Variants in MTX2 observed in about 807,000 individuals in gnomAD.
MTX2 encodes the protein metaxin 2, also known as metaxin-2.
MTX2 carries 35 observed loss-of-function variants against 42.3 expected under a neutral mutation model. That is an observed-to-expected ratio of 0.83 (90% confidence interval 0.63 to 1.10). MTX2 has a LOEUF of 1.10. Among genes scored for constraint, MTX2 ranks in the 50% least tolerant of loss-of-function variants. The pLI is 0.00. For synonymous variants in MTX2, 119 were observed against 100.9 expected, an observed-to-expected ratio of 1.18 and a Z score of -1.08; for missense variants, 307 against 304.1, an observed-to-expected ratio of 1.01 and a Z score of -0.07.
intron 3 of MTX2, among the ~76,000 whole-genome samples, chr2:176,310,409 G>A (rs1019452594): frequency 3.3e-5 from 5 of 152,102 alleles, no homozygotes; most frequent in African/African-American, 1.2e-4. Context: ...GTATCTTTGT[G>A]GTGTTCTCTG....
chr2:176,293,053 G>T (rs1214964070), intron 1 of MTX2, among the ~76,000 whole-genome samples: 1 of 152,012 alleles, frequency 6.6e-6, no homozygotes, highest in East Asian at 1.9e-4. Flanking sequence ...CTCTAAATAC[G>T]AGTTTAATTT....
chr2:176,307,158 A>G (rs1023559409), intron 3 of MTX2, among the ~76,000 whole-genome samples: 2 of 152,220 alleles, frequency 1.3e-5, no homozygotes, highest in African/African-American at 4.8e-5. Flanking sequence ...CATTTATTAA[A>G]TAGGGAATCC....
intron 3 of MTX2, among the ~76,000 whole-genome samples, chr2:176,309,602 A>T (rs866413946): frequency 6.6e-6 from 1 of 151,728 alleles, no homozygotes; most frequent in South Asian, 2.1e-4. Flanking sequence ...TATATTTAGG[A>T]TAGTTAGCTC....
chr2:176,300,817 T>C (rs1274295665), intron 3 of MTX2, among the ~76,000 whole-genome samples: 1 of 152,238 alleles, frequency 6.6e-6, no homozygotes, highest in East Asian at 1.9e-4. Context: ...TATGTTAACA[T>C]ATTGAATGTG....
At chr2:176,335,217 AT>A (rs2105450433) in intron 9 of MTX2, among the ~76,000 whole-genome samples, 1 of 152,148 alleles carries the variant, frequency 6.6e-6, no homozygotes, top group East Asian at 1.9e-4. Flanking sequence ...GAGGAAGAGT[AT>A]TTTAGGCAGC....
intron 1 of MTX2, among the ~76,000 whole-genome samples, chr2:176,285,342 A>C (rs1185497249): frequency 3.9e-5 from 6 of 152,036 alleles, no homozygotes. Flanking sequence ...CTTGAGATAT[A>C]ATTTACAAAC....
At chr2:176,299,131 C>T (rs1188467215) in intron 3 of MTX2, among the ~76,000 whole-genome samples, 1 of 152,086 alleles carries the variant, frequency 6.6e-6, no homozygotes, top group African/African-American at 2.4e-5. Context: ...TGACATTTGA[C>T]AATATTTAAG....
At chr2:176,281,569 C>T (rs1273844372) in intron 1 of MTX2, among the ~76,000 whole-genome samples, 1 of 152,130 alleles carries the variant, frequency 6.6e-6, no homozygotes, top group Non-Finnish European at 1.5e-5. Context: ...TGTCCTGCAG[C>T]ATCACTTCCA....
chr2:176,276,374 T>C (rs1324157208), intron 1 of MTX2, among the ~76,000 whole-genome samples: 1 of 152,194 alleles, frequency 6.6e-6, no homozygotes, highest in Admixed American at 6.5e-5. Flanking sequence ...GAGTAAGCTT[T>C]TGAGCTACTG....
intron 4 of MTX2, among the ~76,000 whole-genome samples, chr2:176,325,582 C>T (rs189832700): frequency 5.3e-5 from 8 of 151,662 alleles, no homozygotes; most frequent in African/African-American, 1.9e-4. Context: ...TCATTAAAAA[C>T]AAGGAATATG....
intron 1 of MTX2, among the ~76,000 whole-genome samples, chr2:176,283,923 C>T (rs1223380205): frequency 1.3e-5 from 2 of 151,342 alleles, no homozygotes; most frequent in Non-Finnish European, 2.9e-5. Flanking sequence ...ATCTCATATT[C>T]ATTTTTAGTT....
intron 3 of MTX2, among the ~76,000 whole-genome samples, chr2:176,305,386 A>T (rs1282434558): frequency 6.6e-6 from 1 of 152,010 alleles, no homozygotes; most frequent in Non-Finnish European, 1.5e-5. Flanking sequence ...TTTCTCCCCA[A>T]CTGTTCATTG....
chr2:176,276,594 A>G (rs1376478009), intron 1 of MTX2, among the ~76,000 whole-genome samples: 1 of 152,046 alleles, frequency 6.6e-6, no homozygotes, highest in African/African-American at 2.4e-5. Flanking sequence ...TTTATAATGT[A>G]TGTCAAGTAT....
chr2:176,313,639 C>T (rs1246290694), intron 3 of MTX2, among the ~76,000 whole-genome samples: 3 of 152,070 alleles, frequency 2.0e-5, no homozygotes, highest in South Asian at 2.1e-4. Context: ...ATAATCCACC[C>T]GCCTTGACCT....
At chr2:176,319,135 A>C (rs1338457245) in intron 3 of MTX2, among the ~76,000 whole-genome samples, 1 of 152,190 alleles carries the variant, frequency 6.6e-6, no homozygotes, top group Non-Finnish European at 1.5e-5. Flanking sequence ...GAGTTGTTCC[A>C]AGTTCATTAT....
intron 1 of MTX2, among the ~76,000 whole-genome samples, chr2:176,277,512 C>T (rs903522508): frequency 6.6e-6 from 1 of 152,166 alleles, no homozygotes; most frequent in Non-Finnish European, 1.5e-5. Flanking sequence ...AAGTGATTCT[C>T]CTGCCTCAGA....
intron 5 of MTX2, among the ~76,000 whole-genome samples, chr2:176,327,311 C>G (rs1212305022): frequency 2.6e-5 from 4 of 151,008 alleles, no homozygotes; most frequent in African/African-American, 7.3e-5. Flanking sequence ...AATGATTCTG[C>G]TTTTCATTTA....
At chr2:176,315,846 T>C (rs924204368) in intron 3 of MTX2, among the ~76,000 whole-genome samples, 1 of 152,222 alleles carries the variant, frequency 6.6e-6, no homozygotes, top group Non-Finnish European at 1.5e-5. Context: ...GCTTGCTCCC[T>C]AACTTTCTAA....
chr2:176,310,708 A>G (rs1206626323), intron 3 of MTX2, among the ~76,000 whole-genome samples: 2 of 152,124 alleles, frequency 1.3e-5, no homozygotes, highest in African/African-American at 2.4e-5. Flanking sequence ...AATCTTGTGC[A>G]TGCGTCACGA....
Sources: allele counts gnomAD v4.1 joint callset (sites outside exome capture counted in the v4.1 genomes callset), GRCh38; gene constraint gnomAD v4.1.1; transcripts MANE v1.5; gene names NCBI Gene and HGNC (gene_info 2026-07-23, HGNC 2026-07-21).